Variants in FRMD4B observed in about 807,000 individuals in gnomAD.
The protein encoded by FRMD4B is FERM domain containing 4B.
FRMD4B carries 74 observed loss-of-function variants against 141.5 expected under a neutral mutation model. That is an observed-to-expected ratio of 0.52 (90% CI 0.43 to 0.63). FRMD4B has a LOEUF of 0.63. Ranked by LOEUF, FRMD4B falls within the 30% of genes least tolerant of loss-of-function variation. The pLI, the probability that FRMD4B is intolerant of heterozygous loss-of-function variation, is 0.00. For synonymous variants in FRMD4B, 506 were observed against 467.9 expected (o/e 1.08, Z -1.05); for missense variants, 1,366 against 1,253.4 (o/e 1.09, Z -1.36).
intron 1 of FRMD4B, among the ~76,000 whole-genome samples, chr3:69,356,460 A>T (rs1048376738): frequency 6.6e-6 from 1 of 151,922 alleles, no homozygotes; most frequent in East Asian, 1.9e-4. Context: ...TCAGACTCCA[A>T]GTTCTTCAGT....
At chr3:69,470,289 G>A (rs1271406644) in intron 1 of FRMD4B, among the ~76,000 whole-genome samples, 4 of 152,130 alleles carry the variant, frequency 2.6e-5, no homozygotes, top group Non-Finnish European at 5.9e-5. Flanking sequence ...GCATACTCAT[G>A]ATGAGTTTGG....
At chr3:69,457,848 C>A (rs1222736474) in intron 1 of FRMD4B, among the ~76,000 whole-genome samples, 1 of 152,190 alleles carries the variant, frequency 6.6e-6, no homozygotes, top group Non-Finnish European at 1.5e-5. Context: ...CAGCTCTCAC[C>A]TCATTCTTCC....
At chr3:69,510,179 T>C (rs1010501407) in intron 1 of FRMD4B, among the ~76,000 whole-genome samples, 2 of 152,072 alleles carry the variant, frequency 1.3e-5, no homozygotes, top group Non-Finnish European at 2.9e-5. Context: ...ATAATCCCTA[T>C]AGAATACTTA....
At chr3:69,482,259 T>C (rs1454529251) in intron 1 of FRMD4B, among the ~76,000 whole-genome samples, 1 of 151,456 alleles carries the variant, frequency 6.6e-6, no homozygotes, top group East Asian at 1.9e-4. Context: ...CAATAGAGTA[T>C]TTAAAAAATA....
chr3:69,408,668 G>C (rs182477409), intron 2 of FRMD4B, among the ~76,000 whole-genome samples: 13 of 150,322 alleles, frequency 8.6e-5, no homozygotes, highest in East Asian at 7.7e-4. Flanking sequence ...TAGGGGGAGT[G>C]GGGGGTGGAC....
chr3:69,508,795 C>G (rs952956647), intron 1 of FRMD4B, among the ~76,000 whole-genome samples: 3 of 152,162 alleles, frequency 2.0e-5, no homozygotes, highest in Admixed American at 1.3e-4. Flanking sequence ...TCATAAAGTG[C>G]CATCACTCTG....
chr3:69,479,346 G>A (rs1422695895), intron 1 of FRMD4B, among the ~76,000 whole-genome samples: 4 of 151,394 alleles, frequency 2.6e-5, no homozygotes, highest in Non-Finnish European at 4.4e-5. Context: ...GGCTGGTACC[G>A]GTTGTTCCTT....
intron 1 of FRMD4B, among the ~76,000 whole-genome samples, chr3:69,346,778 T>G (rs1702957985): frequency 6.6e-6 from 1 of 152,214 alleles, no homozygotes; most frequent in Middle Eastern, 3.4e-3. Flanking sequence ...GACAAGCAAA[T>G]GCTGAGAGGT....
At chr3:69,193,579 T>C in intron 17 of FRMD4B, 69 bp downstream of exon 17, 1 of 810,710 alleles carries the variant, frequency 1.2e-6, no homozygotes, top group South Asian at 1.7e-5. Flanking sequence ...GGTAACTGGT[T>C]TGGAAATGCT....
intron 7 of FRMD4B, among the ~76,000 whole-genome samples, chr3:69,229,605 G>A (rs2093286582): frequency 6.6e-6 from 1 of 152,190 alleles, no homozygotes; most frequent in Admixed American, 6.5e-5. Flanking sequence ...GCAGAAAAAT[G>A]AGTTAAACTC....
chr3:69,454,239 C>T (rs2106897625), intron 1 of FRMD4B, among the ~76,000 whole-genome samples: 1 of 152,350 alleles, frequency 6.6e-6, no homozygotes, highest in East Asian at 1.9e-4. Flanking sequence ...CCTGACTTTA[C>T]CCAACTAACA....
chr3:69,187,421 C>T (rs1025544501), intron 19 of FRMD4B, among the ~76,000 whole-genome samples: 2 of 151,324 alleles, frequency 1.3e-5, no homozygotes, highest in African/African-American at 4.9e-5. Context: ...GGCTTGTAAT[C>T]CCAGCTGCTC....
intron 1 of FRMD4B, among the ~76,000 whole-genome samples, chr3:69,316,067 T>A (rs962530261): frequency 6.6e-6 from 1 of 152,230 alleles, no homozygotes; most frequent in African/African-American, 2.4e-5. Context: ...TAACCTGTTT[T>A]CAATGTGAAA....
At chr3:69,324,887 G>C (rs1347974304) in intron 1 of FRMD4B, among the ~76,000 whole-genome samples, 1 of 151,696 alleles carries the variant, frequency 6.6e-6, no homozygotes, top group African/African-American at 2.4e-5. Flanking sequence ...TTGAGCCCAG[G>C]AGTCTGAGAT....
At chr3:69,332,508 G>A (rs1702402234) in intron 1 of FRMD4B, among the ~76,000 whole-genome samples, 1 of 152,130 alleles carries the variant, frequency 6.6e-6, no homozygotes, top group South Asian at 2.1e-4. Context: ...ACTCCCCAGG[G>A]ACTTCTTCCT....
At chr3:69,442,272 G>A (rs1705353614) in intron 1 of FRMD4B, among the ~76,000 whole-genome samples, 1 of 151,824 alleles carries the variant, frequency 6.6e-6, no homozygotes, top group Admixed American at 6.6e-5. Context: ...TTTAGAGATG[G>A]GATCTCACTA....
intron 1 of FRMD4B, among the ~76,000 whole-genome samples, chr3:69,325,093 G>GAA (rs1349306885): frequency 1.3e-5 from 2 of 148,182 alleles, no homozygotes; most frequent in Non-Finnish European, 3.0e-5. Context: ...AAAAAAGAAA[G>GAA]AAAGAAAGAA....
rs1267011171 is a variant in FRMD4B, at chr3:69,535,737, G to A, written c.-129+6469C>T. 24 of 441,422 alleles carry A rather than the reference G, an allele frequency of 5.4e-5. No homozygotes were observed. The East Asian group carries it at 1.7e-3, about 31-fold the overall frequency. 27.3% of individuals were successfully genotyped at this position (441,422 alleles called of 1,614,324 possible). On this transcript the variant is annotated intron_variant, in intron 1 of 5. Coordinates refer to the FRMD4B transcript ENST00000459638. ...GTCCAGCCTTTCACGGGCACTTGGG[G>A]GTCTCTGTCTTCCTAGACAGGTGTG...
chr3:69,376,400 C>T (rs1446755466), intron 1 of FRMD4B, among the ~76,000 whole-genome samples: 1 of 151,144 alleles, frequency 6.6e-6, no homozygotes. Flanking sequence ...ATGCAAAGTG[C>T]CAAGCATAAG....
Sources: gnomAD v4.1 joint callset for allele counts (sites outside exome capture counted in the v4.1 genomes callset) on GRCh38, gnomAD v4.1.1 for gene constraint, MANE v1.5 for transcripts, NCBI Gene and HGNC (gene_info 2026-07-23, HGNC 2026-07-21) for gene names.